Variants in ZSCAN12 observed in about 807,000 individuals in gnomAD.
The protein encoded by ZSCAN12 is zinc finger and SCAN domain-containing protein 12.
ZSCAN12 carries 18 observed loss-of-function variants against 23.4 expected under a neutral mutation model. That is an observed-to-expected ratio of 0.77 (90% CI 0.53 to 1.14). The LOEUF (loss-of-function observed/expected upper bound fraction) is 1.14, where lower values mean the gene tolerates loss of function less well. Among genes scored for constraint, ZSCAN12 ranks in the 50% most tolerant of loss-of-function variants. ZSCAN12 has a pLI of 0.00. For synonymous variants in ZSCAN12, 186 were observed against 253.4 expected (o/e 0.73, Z 2.53); for missense variants, 650 against 735.0 (o/e 0.88, Z 1.34).
chr6:28,387,223 T>C lies in ZSCAN12; in HGVS notation c.*3231A>G, dbSNP rs1176057746. Among the ~76,000 whole-genome samples the C allele has an allele frequency of 6.6e-6, 1 of 152,032 alleles. No homozygotes were observed. The highest frequency in any genetic ancestry group is 2.4e-5 in the African/African-American group (1 of 41,378). ...TTTATGGTCCCTTTATAATATTAGG[T>C]ATATAAGAAAGATTAAGTAGTGTGC... On this transcript the variant is annotated 3_prime_UTR_variant, in exon 4 of 4. Coordinates refer to ENST00000684592, the MANE Select transcript of ZSCAN12 (RefSeq NM_001163391.2).
At position 28,385,007 on chromosome 6, in the gene ZSCAN12, G is replaced by C. The variant is rs1413388252; in HGVS notation, c.*5447C>G. 1.3e-5 allele frequency among the ~76,000 whole-genome samples: 2 copies of C among 152,192 alleles called. No individual in the cohort carries two copies. The highest frequency in any genetic ancestry group is 1.3e-4 in the Admixed American group (2 of 15,282). ...AAATTCTGGCCTTGTGGAGTTAGGA[G>C]GGTCACCATTTGAACTGTAAAATTG... is the stretch of plus-strand genomic sequence containing the variant. On this transcript the variant is annotated 3_prime_UTR_variant, in exon 4 of 4. Transcript: ENST00000684592.
chr6:28,391,812 G>A lies in ZSCAN12; in HGVS notation c.548-70C>T. 1 of 1,273,402 alleles carries A rather than the reference G, an allele frequency of 7.9e-7. No homozygotes were observed. The highest frequency in any genetic ancestry group is 1.0e-6 in the Non-Finnish European group (1 of 956,468). 78.9% of individuals were successfully genotyped at this position (1,273,402 alleles called of 1,614,324 possible). On this transcript the variant is annotated intron_variant, in intron 3 of 3. Transcript: ENST00000684592. This position sits in a 1 kb window ranked among gnomAD's most constrained non-coding sequence, Gnocchi z 4.1. The stretch of plus-strand genomic sequence containing the variant: ...TATCCATACATTTTAATATTAAGCA[G>A]CTGTTTAGAAATAAAAAATGCAAGA...
In ZSCAN12 at chr6:28,385,539, T is replaced by C. The variant is rs1165131066; in HGVS notation, c.*4915A>G. ...CACTGCAACACATGGTTTGTTCAAC[T>C]GAAATAAAGAGAGGAAGTGTATCAC... is the stretch of plus-strand genomic sequence containing the variant. On this transcript the variant is annotated 3_prime_UTR_variant, in exon 4 of 4. Transcript: ENST00000684592. Among the ~76,000 whole-genome samples the C allele has an allele frequency of 6.6e-6, 1 of 152,200 alleles. No homozygotes were observed. Among genetic ancestry groups the C allele is most frequent in the Non-Finnish European group, 1.5e-5 (1 of 68,022 alleles).
At chr6:28,383,866 TA>T (rs998153229), downstream of ZSCAN12, among the ~76,000 whole-genome samples, 9 of 152,148 alleles carry the variant, frequency 5.9e-5, no homozygotes, top group Admixed American at 2.0e-4. Context: ...TGGTTAAAGG[TA>T]AATTTTGACC....
intron 3 of ZSCAN12, among the ~76,000 whole-genome samples, chr6:28,392,117 C>T (rs887135241): frequency 5.9e-5 from 9 of 151,610 alleles, no homozygotes; most frequent in African/African-American, 9.7e-5. Context: ...AATAAGGTAG[C>T]GGATCTTTCA....
In ZSCAN12 at chr6:28,389,380, A is replaced by T. The variant is rs1369954652; in HGVS notation, c.*1074T>A. On this transcript the variant is annotated 3_prime_UTR_variant, in exon 4 of 4. Coordinates refer to ENST00000684592, the MANE Select transcript of ZSCAN12 (RefSeq NM_001163391.2). ...GTTCACTCCAAAGAGCTGATGGCAC[A>T]TGTTCCCTGTAAGGATCTCCTTGTG... 6.6e-6 allele frequency among the ~76,000 whole-genome samples: 1 copy of T among 152,170 alleles called. No individual in the cohort carries two copies. The highest frequency in any genetic ancestry group is 2.4e-5 in the African/African-American group (1 of 41,436).
rs1444339547 is a variant in ZSCAN12 at position 28,388,991 on chromosome 6, AGAGTCAACCAGTTTTGGTT to A, written c.*1444_*1462del. On this transcript the variant is annotated 3_prime_UTR_variant, in exon 4 of 4. Transcript: ENST00000684592. The stretch of plus-strand genomic sequence containing the variant: ...AATTTTTACTCAGCAAGGCAAGGTT[AGAGTCAACCAGTTTTGGTT>A]GATTCATTTTTCAGAAGCCCAAGGG... Among the ~76,000 whole-genome samples the A allele has an allele frequency of 4.6e-5, 7 of 152,236 alleles. No homozygotes were observed. Among genetic ancestry groups the A allele is most frequent in the Admixed American group, 3.3e-4 (5 of 15,284 alleles).
At chr6:28,381,282 A>G (rs1760222754), downstream of ZSCAN12, 2 of 152,258 alleles carry the variant, frequency 1.3e-5, no homozygotes, top group South Asian at 4.1e-4. Context: ...GGCTACTACT[A>G]TAAACCTACA....
rs549939834 is a variant in ZSCAN12 at position 28,398,326 on chromosome 6, G to A, written c.80C>T (p.Thr27Ile). The change falls in exon 2 of 4, where the codon ACC (threonine) becomes ATC (isoleucine). Residue 27 changes from threonine to isoleucine, a missense_variant. By Grantham distance (89) the Thr-to-Ile change is moderately conservative. Transcript: ENST00000684592. The part of the protein sequence containing the change: ...LEVKIEEEKY[T>I]TRQDWDLRKN... Reference sequence around the variant, plus strand: ...ACGCAGGTCCCAATCCTGTCTGGTGGTATATTTCTCTTCCTCTATCTTTAC... The same window carrying A: ...ACGCAGGTCCCAATCCTGTCTGGTGATATATTTCTCTTCCTCTATCTTTAC... The A allele has an allele frequency of 4.4e-4, 686 of 1,560,734 alleles. 9 individuals are homozygous for A. The South Asian group carries it at 7.8e-3, about 18-fold the overall frequency.
At chr6:28,395,610 C>T (rs1365943581) in intron 2 of ZSCAN12, among the ~76,000 whole-genome samples, 1 of 152,222 alleles carries the variant, frequency 6.6e-6, no homozygotes, top group East Asian at 1.9e-4. Flanking sequence ...GCCAGAGTGA[C>T]TATTTTAAAA....
At position 28,390,370 on chromosome 6, in the gene ZSCAN12, G is replaced by T; in HGVS notation, c.*84C>A. ...TCTGAGGTTTCCTTATAACAATGGTGACTGAAGTTTTGCCCCAATAATTGT... is the reference window on the plus strand; with the variant it reads ...TCTGAGGTTTCCTTATAACAATGGTTACTGAAGTTTTGCCCCAATAATTGT... On this transcript the variant is annotated 3_prime_UTR_variant, in exon 4 of 4. Transcript: ENST00000684592. 2 of 1,114,708 alleles carry T rather than the reference G, an allele frequency of 1.8e-6. No individual in the cohort carries two copies. The highest frequency in any genetic ancestry group is 2.5e-6 in the Non-Finnish European group (2 of 800,218). The allele number at this position is 1,114,708 out of a possible 1,614,324, so 69.1% of individuals were successfully genotyped here.
chr6:28,382,515 G>T (rs2113957140), downstream of ZSCAN12: 1 of 1,551,968 alleles, frequency 6.4e-7, no homozygotes. Flanking sequence ...AAACAAGATT[G>T]CCATTCTGGA....
Position 28,386,978 on chromosome 6 carries a change from C to G in ZSCAN12, c.*3476G>C, listed in dbSNP as rs947719938. On this transcript the variant is annotated 3_prime_UTR_variant, in exon 4 of 4. Coordinates refer to ENST00000684592, the MANE Select transcript of ZSCAN12 (RefSeq NM_001163391.2). Reference sequence around the variant, plus strand: ...GAGTAGCTGGGATTACAGGCATGTGCCACCACGCCTGGTTAATTTTTGTAT... The same window carrying G: ...GAGTAGCTGGGATTACAGGCATGTGGCACCACGCCTGGTTAATTTTTGTAT... Among the ~76,000 whole-genome samples, 2 of 152,144 alleles carry G rather than the reference C, an allele frequency of 1.3e-5. No individual in the cohort carries two copies. The highest frequency in any genetic ancestry group is 4.8e-5 in the African/African-American group (2 of 41,424).
chr6:28,396,914 A>G (rs939248640), intron 2 of ZSCAN12, among the ~76,000 whole-genome samples: 2 of 152,010 alleles, frequency 1.3e-5, no homozygotes, highest in African/African-American at 4.8e-5. Flanking sequence ...TCATGATCCT[A>G]TTTCAAACTT....
downstream of ZSCAN12, chr6:28,382,674 AC>A: frequency 6.6e-7 from 1 of 1,520,446 alleles, no homozygotes; most frequent in Non-Finnish European, 8.8e-7. Context: ...CCAAGAACTC[AC>A]TTATCTGAAC....
At chr6:28,399,407 G>C (rs1044838653) in intron 1 of ZSCAN12, among the ~76,000 whole-genome samples, 1 of 152,238 alleles carries the variant, frequency 6.6e-6, no homozygotes, top group Non-Finnish European at 1.5e-5. Context: ...CTGAACCCAA[G>C]GATACACAGC....
rs1760492954 is a variant in ZSCAN12 at position 28,385,391 on chromosome 6, GC to G, written c.*5062del. On this transcript the variant is annotated 3_prime_UTR_variant, in exon 4 of 4. Transcript: ENST00000684592. ...CCAAACCTCATCCAAGATTTGGTAT[GC>G]AGAGGGGGTGATAATATTATTACCT... 6.6e-6 allele frequency among the ~76,000 whole-genome samples: 1 copy of G among 152,186 alleles called. No homozygotes were observed. Among genetic ancestry groups the G allele is most frequent in the East Asian group, 1.9e-4 (1 of 5,200 alleles).
Position 28,399,637 on chromosome 6 carries a change from C to CAG in ZSCAN12, c.-69+18_-69+19dup, listed in dbSNP as rs1424348775. ...CTCCCGCCCACCTGCTCGCAGCGTA[C>CAG]AGAGCACAACATCGCTCACCTGCGG... On this transcript the variant is annotated intron_variant, in intron 1 of 3. Coordinates refer to ENST00000684592, the MANE Select transcript of ZSCAN12 (RefSeq NM_001163391.2). 6.6e-6 allele frequency: 1 copy of CAG among 152,608 alleles called. No individual in the cohort carries two copies. Among genetic ancestry groups the CAG allele is most frequent in the Non-Finnish European group, 1.5e-5 (1 of 68,348 alleles). 9.5% of individuals were successfully genotyped at this position (152,608 alleles called of 1,614,324 possible).
In ZSCAN12 at chr6:28,391,389, G is replaced by A; in HGVS notation, c.901C>T (p.Pro301Ser). 6.4e-7 allele frequency: 1 copy of A among 1,551,686 alleles called. No individual in the cohort carries two copies. The highest frequency in any genetic ancestry group is 8.7e-7 in the Non-Finnish European group (1 of 1,146,798). ...TTTCCACATTCTTCGCATTTGTAGG[G>A]TCTATCTCCAGTATGGATCCTCTGA... ...EHQRIHTGDRPYKCEECGKAF... is the reference protein window; with the variant it reads ...EHQRIHTGDRSYKCEECGKAF... The change falls in exon 4 of 4, where the codon CCC becomes TCC. Residue 301 changes from proline (P) to serine (S), a missense_variant. Pro to Ser is a moderately conservative substitution (Grantham distance 74, BLOSUM62 -1). Transcript: ENST00000684592. The surrounding 1 kb of genome is among the most constrained non-coding windows in gnomAD (Gnocchi z 4.1).
Sources: gnomAD v4.1 joint callset for allele counts (sites outside exome capture counted in the v4.1 genomes callset) on GRCh38, gnomAD v4.1.1 for gene constraint, Gnocchi (gnomAD v3.1) non-coding constraint, MANE v1.5 for transcripts, NCBI Gene and HGNC (gene_info 2026-07-23, HGNC 2026-07-21) for gene names.